CCDC144A: variants seen among roughly 807,000 people sequenced by gnomAD.
The protein encoded by CCDC144A is coiled-coil domain-containing protein 144A.
A neutral mutation model predicts 143.8 loss-of-function variants in CCDC144A; 41 were observed. The ratio of observed to expected loss-of-function variants is 0.29; its 90% CI spans 0.22 to 0.37. The LOEUF (loss-of-function observed/expected upper bound fraction) is 0.37, where lower values mean the gene tolerates loss of function less well. Among genes scored for constraint, CCDC144A ranks in the 10% least tolerant of loss-of-function variants. The probability of loss-of-function intolerance (pLI) is 1.00; values close to 1 mark genes in which losing one functional copy is unlikely to be tolerated. For missense variants in CCDC144A, 637 were observed against 1,488.8 expected (o/e 0.43, Z 9.41); for synonymous variants, 242 against 517.9 (o/e 0.47, Z 7.23).
chr17:16,697,806 A>G (rs1269276370), intron 2 of CCDC144A, among the ~76,000 whole-genome samples: 2 of 152,214 alleles, frequency 1.3e-5, no homozygotes, highest in East Asian at 3.8e-4. Context: ...GCAGATGGAG[A>G]AAAGAGGTAC....
At chr17:16,687,552 G>C (rs1440364307), upstream of CCDC144A, among the ~76,000 whole-genome samples, 1 of 152,142 alleles carries the variant, frequency 6.6e-6, no homozygotes, top group Non-Finnish European at 1.5e-5. Context: ...CTCCAGCGGT[G>C]AGGAATCTCT....
rs1303276032 is a variant in CCDC144A at position 16,775,629 on chromosome 17, A to G, written c.*1996A>G. The G allele has an allele frequency of 6.6e-6, 1 of 152,180 alleles. No homozygotes were observed. Among genetic ancestry groups the G allele is most frequent in the Non-Finnish European group, 1.5e-5 (1 of 68,048 alleles). The allele number at this position is 152,180 out of a possible 1,614,324, so 9.4% of individuals were successfully genotyped here. Reference sequence around the variant, plus strand: ...ACCTTTGTCAGATGGATAGAGTGCAAAAATTTTCTCCCATTCTGTAGGTTG... The same window carrying G: ...ACCTTTGTCAGATGGATAGAGTGCAGAAATTTTCTCCCATTCTGTAGGTTG... On this transcript the variant is annotated 3_prime_UTR_variant, in exon 17 of 17. Transcript: ENST00000399273.
chr17:16,704,579 C>T (rs1381008452), intron 2 of CCDC144A, among the ~76,000 whole-genome samples: 1 of 151,540 alleles, frequency 6.6e-6, no homozygotes. Context: ...CTAGTGTGGT[C>T]CTAGACTAAT....
chr17:16,668,537 GTTA>G, the CCDC144A span, among the ~76,000 whole-genome samples: 106 of 152,084 alleles, frequency 7.0e-4, no homozygotes, highest in Non-Finnish European at 1.1e-3. Context: ...TTAAATAATT[GTTA>G]TTTTTTTCTA....
intron 12 of CCDC144A, among the ~76,000 whole-genome samples, chr17:16,737,162 C>CTTTTTT (rs757856458): frequency 1.5e-4 from 15 of 102,670 alleles, no homozygotes; most frequent in African/African-American, 2.0e-4. Flanking sequence ...AGAGTTAAAT[C>CTTTTTT]TTTTTTTTTT....
chr17:16,681,393 A>C, the CCDC144A span, among the ~76,000 whole-genome samples: 1 of 152,104 alleles, frequency 6.6e-6, no homozygotes, highest in African/African-American at 2.4e-5. Flanking sequence ...AAGAAAGAAA[A>C]CTATTAATAA....
chr17:16,751,007 C>T (rs1914763730), intron 12 of CCDC144A, among the ~76,000 whole-genome samples: 1 of 152,158 alleles, frequency 6.6e-6, no homozygotes, highest in Admixed American at 6.5e-5. Context: ...TTCTGAATCA[C>T]ATGTCTGTGA....
chr17:16,746,706 G>A (rs1914540389), intron 12 of CCDC144A: 45 of 1,611,974 alleles, frequency 2.8e-5, no homozygotes, highest in Non-Finnish European at 3.8e-5. Context: ...AGCGGGCGCA[G>A]CTGCTCCTCC....
intron 2 of CCDC144A, among the ~76,000 whole-genome samples, chr17:16,703,980 A>T (rs1451284168): frequency 6.6e-6 from 1 of 152,206 alleles, no homozygotes; most frequent in Non-Finnish European, 1.5e-5. Flanking sequence ...AACATTTTGT[A>T]TTATTTGACG....
At chr17:16,710,055 A>C (rs1258983317) in intron 5 of CCDC144A, 2 of 198,024 alleles carry the variant, frequency 1.0e-5, no homozygotes, top group African/African-American at 4.8e-5. Flanking sequence ...ATAAAAATGT[A>C]TCTAGCAGGC....
chr17:16,761,124 G>A (rs1597591368), intron 12 of CCDC144A, among the ~76,000 whole-genome samples: 1 of 151,414 alleles, frequency 6.6e-6, no homozygotes, highest in Non-Finnish European at 1.5e-5. Context: ...TCAGGAGATC[G>A]AGACCATCCT....
At chr17:16,746,426 G>T in intron 12 of CCDC144A, 2 of 1,594,272 alleles carry the variant, frequency 1.3e-6, no homozygotes, top group Non-Finnish European at 1.7e-6. Context: ...AAGAGGTGTG[G>T]TTCTTCTAGC....
chr17:16,742,699 G>T (rs571843568), intron 12 of CCDC144A, among the ~76,000 whole-genome samples: 1 of 151,960 alleles, frequency 6.6e-6, no homozygotes, highest in Non-Finnish European at 1.5e-5. Flanking sequence ...CTCCAACCTC[G>T]CCAGGATTTT....
At chr17:16,748,994 A>G (rs1353560030) in intron 12 of CCDC144A, among the ~76,000 whole-genome samples, 1 of 151,794 alleles carries the variant, frequency 6.6e-6, no homozygotes, top group Non-Finnish European at 1.5e-5. Flanking sequence ...TTATTTATTT[A>G]TTTATCTAGC....
the CCDC144A span, among the ~76,000 whole-genome samples, chr17:16,678,760 T>G: frequency 6.8e-6 from 1 of 147,282 alleles, no homozygotes; most frequent in Non-Finnish European, 1.5e-5. Context: ...TGTTTTTTTT[T>G]TTTTTTTTTT....
chr17:16,682,202 GGTGTGTGTGTGT>G, the CCDC144A span, among the ~76,000 whole-genome samples: 5 of 145,336 alleles, frequency 3.4e-5, no homozygotes, highest in East Asian at 4.1e-4. Flanking sequence ...TCTGAAAATG[GGTGTGTGTGTGT>G]GTGTGTGTGT....
intron 8 of CCDC144A, among the ~76,000 whole-genome samples, chr17:16,723,903 G>A (rs1293844063): frequency 6.6e-5 from 10 of 152,030 alleles, no homozygotes; most frequent in Non-Finnish European, 1.2e-4. Flanking sequence ...TTCTTTTTCA[G>A]TTTCTTCTCT....
In CCDC144A at chr17:16,709,062, T is replaced by C. The variant is rs760586274; in HGVS notation, c.1005T>C (p.Phe335=). ...TRGTDVKDIP[F]NLTNNIPGCE... ...GAACAGATGTAAAGGATATTCCCTT[T>C]AATTTGACAAATAACATACCTGGTT... The change falls in exon 5 of 17, where the codon TTT becomes TTC. Residue 335 remains phenylalanine (F), a synonymous_variant. Transcript: ENST00000399273. The C allele has an allele frequency of 4.3e-6, 7 of 1,611,604 alleles. No individual in the cohort carries two copies. The highest frequency in any genetic ancestry group is 5.9e-6 in the Non-Finnish European group (7 of 1,179,664).
chr17:16,686,722 A>G (rs1910794114), upstream of CCDC144A, among the ~76,000 whole-genome samples: 1 of 149,222 alleles, frequency 6.7e-6, no homozygotes, highest in African/African-American at 2.5e-5. Flanking sequence ...GGCTCACTGC[A>G]ACCTCTGCCT....
Sources: allele counts gnomAD v4.1 joint callset (sites outside exome capture counted in the v4.1 genomes callset), GRCh38; gene constraint gnomAD v4.1.1; transcripts MANE v1.5; gene names NCBI Gene and HGNC (gene_info 2026-07-23, HGNC 2026-07-21).